DAAM1: variants seen among roughly 807,000 people sequenced by gnomAD.
DAAM1 encodes disheveled-associated activator of morphogenesis 1.
DAAM1 carries 52 observed loss-of-function variants against 130.0 expected under a neutral mutation model. The ratio of observed to expected loss-of-function variants is 0.40; its 90% CI spans 0.32 to 0.50. DAAM1 has a LOEUF of 0.50. DAAM1 is among the 20% of genes least tolerant of loss of function. The pLI, the probability that DAAM1 is intolerant of heterozygous loss-of-function variation, is 0.61. For missense variants in DAAM1, 1,134 were observed against 1,303.8 expected, an observed-to-expected ratio of 0.87 and a Z score of 2.01; for synonymous variants, 452 against 444.5, an observed-to-expected ratio of 1.02 and a Z score of -0.21.
intron 3 of DAAM1, among the ~76,000 whole-genome samples, chr14:59,291,969 G>A (rs2139566523): frequency 6.6e-6 from 1 of 152,290 alleles, no homozygotes; most frequent in Non-Finnish European, 1.5e-5. Context: ...AGGGGACAGT[G>A]AAACACCAAA....
chr14:59,260,238 C>A (rs370957287), intron 1 of DAAM1, among the ~76,000 whole-genome samples: 1 of 152,176 alleles, frequency 6.6e-6, no homozygotes, highest in Non-Finnish European at 1.5e-5. Context: ...ATTTCCCCCT[C>A]TAATATAAGC....
chr14:59,311,143 G>A (rs1162454932), intron 3 of DAAM1, among the ~76,000 whole-genome samples: 4 of 152,142 alleles, frequency 2.6e-5, no homozygotes, highest in Middle Eastern at 3.2e-3. Flanking sequence ...CAGCTGCTAC[G>A]AAGAAATTTT....
Position 59,347,428 on chromosome 14 carries a change from A to G in DAAM1, c.2076-111A>G, listed in dbSNP as rs1886125840. On this transcript the variant is annotated intron_variant, in intron 16 of 24. Coordinates refer to ENST00000360909, the MANE Select transcript of DAAM1 (RefSeq NM_001270520.2). ...TGTCAGGAAATAAGCTTTCACTGAG[A>G]GATTTTGAGAAAAAAGTACTTGAAA... The G allele has an allele frequency of 3.0e-6, 3 of 991,918 alleles. No homozygotes were observed. The Admixed American group carries it at 6.5e-5, about 21-fold the overall frequency. The allele number at this position is 991,918 out of a possible 1,614,324, so 61.4% of individuals were successfully genotyped here. A position where few individuals can be genotyped will look rare whatever the true frequency, so the allele number is the denominator to read the frequency against.
At chr14:59,253,938 C>G (rs1881757393) in intron 1 of DAAM1, among the ~76,000 whole-genome samples, 1 of 152,194 alleles carries the variant, frequency 6.6e-6, no homozygotes, top group South Asian at 2.1e-4. Context: ...CTTCGCATCT[C>G]TCAAAATTTG....
At chr14:59,289,312 C>T (rs749519411) in intron 2 of DAAM1, among the ~76,000 whole-genome samples, 2 of 152,144 alleles carry the variant, frequency 1.3e-5, no homozygotes, top group Non-Finnish European at 2.9e-5. Flanking sequence ...AATAACCTCC[C>T]ACCAGGCCCC....
At chr14:59,313,136 C>G (rs1295346349) in intron 3 of DAAM1, among the ~76,000 whole-genome samples, 1 of 152,180 alleles carries the variant, frequency 6.6e-6, no homozygotes, top group African/African-American at 2.4e-5. Flanking sequence ...TTCTACAGAG[C>G]AACAAACTCT....
chr14:59,340,208 T>C, intron 16 of DAAM1, 28 bp downstream of exon 16: 1 of 1,596,202 alleles, frequency 6.3e-7, no homozygotes, highest in Non-Finnish European at 8.6e-7. Flanking sequence ...TAAACATTTC[T>C]AGTAGGACCA....
In DAAM1 at chr14:59,322,956, G is replaced by C; in HGVS notation, c.505G>C (p.Asp169His). ...SCILNFLKTM[D>H]YETSESRIHT... ...TATCCTCAACTTTCTAAAGACCATGGACTACGAGACCTCAGAGTCTCGAAT... is the reference window on the plus strand; with the variant it reads ...TATCCTCAACTTTCTAAAGACCATGCACTACGAGACCTCAGAGTCTCGAAT... The change falls in exon 6 of 25, where the codon GAC becomes CAC. Residue 169 changes from aspartate to histidine, a missense_variant. Physicochemically the swap from Asp to His is moderately conservative, Grantham distance 81. Transcript: ENST00000360909. 6.2e-7 allele frequency: 1 copy of C among 1,614,078 alleles called. No homozygotes were observed.
At chr14:59,213,448 T>A (rs1267475846) in intron 1 of DAAM1, among the ~76,000 whole-genome samples, 4 of 151,924 alleles carry the variant, frequency 2.6e-5, no homozygotes, top group African/African-American at 7.3e-5. Context: ...TTTGGGGTTA[T>A]CCTGTTAGTT....
At chr14:59,284,497 G>A (rs1031009941) in intron 2 of DAAM1, among the ~76,000 whole-genome samples, 3 of 152,134 alleles carry the variant, frequency 2.0e-5, no homozygotes, top group African/African-American at 7.2e-5. Flanking sequence ...AATGTCAGAT[G>A]TAGAATTTCA....
Position 59,315,262 on chromosome 14 carries a change from T to A in DAAM1, c.274-18T>A. ...GTATATGTTGGGTGGTATGTCACTT[T>A]TTTTCCCCCCTTTTTAGGACCAGGA... is the stretch of plus-strand genomic sequence containing the variant. On this transcript the variant is annotated intron_variant, in intron 3 of 24. Coordinates refer to ENST00000360909, the MANE Select transcript of DAAM1 (RefSeq NM_001270520.2). The A allele has an allele frequency of 1.2e-6, 2 of 1,613,722 alleles. No individual in the cohort carries two copies. Among genetic ancestry groups the A allele is most frequent in the Middle Eastern group, 3.3e-4 (2 of 6,062 alleles).
chr14:59,282,539 G>C (rs1439412959), intron 2 of DAAM1, among the ~76,000 whole-genome samples: 1 of 152,134 alleles, frequency 6.6e-6, no homozygotes, highest in Non-Finnish European at 1.5e-5. Flanking sequence ...ACACTCAGTA[G>C]ATGGATGCAT....
intron 3 of DAAM1, among the ~76,000 whole-genome samples, chr14:59,295,214 T>G (rs1442231551): frequency 6.6e-6 from 1 of 152,180 alleles, no homozygotes; most frequent in African/African-American, 2.4e-5. Flanking sequence ...TGGTATTAGA[T>G]TGTTCATATT....
rs1297256950 is a variant in DAAM1 at position 59,318,492 on chromosome 14, T to G, written c.346-1998T>G. Among the ~76,000 whole-genome samples, 3 of 150,472 alleles carry G rather than the reference T, an allele frequency of 2.0e-5. No individual in the cohort carries two copies. The South Asian group carries it at 6.4e-4, about 32-fold the overall frequency. On this transcript the variant is annotated intron_variant, in intron 4 of 24. Transcript: ENST00000360909. ...CTCCACAAGGCCTGTGCATACTAGA[T>G]ATTTGGCATAGTAATCATCTTCAGA... is the stretch of plus-strand genomic sequence containing the variant.
In DAAM1 at chr14:59,367,564, G is replaced by A; in HGVS notation, c.2962G>A (p.Glu988Lys). 6.2e-7 allele frequency: 1 copy of A among 1,613,862 alleles called. No homozygotes were observed. Among genetic ancestry groups the A allele is most frequent in the Non-Finnish European group, 8.5e-7 (1 of 1,179,884 alleles). Residue 988 changes from glutamate to lysine, a missense_variant, in exon 24 of 25, where the codon GAG becomes AAG. Around this residue, in one of 3 missense-constraint regions of DAAM1, gnomAD observed 644 missense variants for 695.9 expected, o/e 0.93. Coordinates refer to ENST00000360909, the MANE Select transcript of DAAM1 (RefSeq NM_001270520.2). ...QENENMRKKKEEEERRARMEA... is the reference protein window; with the variant it reads ...QENENMRKKKKEEERRARMEA... The stretch of plus-strand genomic sequence containing the variant: ...AAACGAAAATATGAGAAAGAAAAAG[G>A]AGGAAGAAGAACGTCGAGCTCGCAT...
intron 1 of DAAM1, among the ~76,000 whole-genome samples, chr14:59,224,859 G>T (rs901436068): frequency 6.6e-6 from 1 of 152,096 alleles, no homozygotes; most frequent in African/African-American, 2.4e-5. Flanking sequence ...TGGGATTAGT[G>T]TACTTCCTTG....
chr14:59,330,259 G>A (rs1004808139), intron 12 of DAAM1, among the ~76,000 whole-genome samples: 1 of 142,886 alleles, frequency 7.0e-6, no homozygotes, highest in Non-Finnish European at 1.5e-5. Context: ...AGAACTGTGA[G>A]TGTAGGCTCT....
intron 16 of DAAM1, 83 bp from the exon 17 acceptor site, chr14:59,347,456 C>T: frequency 7.8e-7 from 1 of 1,286,434 alleles, no homozygotes; most frequent in Admixed American, 2.0e-5. Context: ...ACTTGAAAAT[C>T]AGCAGCTGGG....
chr14:59,195,903 A>G (rs1887874770), intron 1 of DAAM1, among the ~76,000 whole-genome samples: 1 of 151,358 alleles, frequency 6.6e-6, no homozygotes, highest in African/African-American at 2.4e-5. Flanking sequence ...TTTTAAATTA[A>G]TCATGCTTTT....
Sources: gnomAD v4.1 joint callset for allele counts (sites outside exome capture counted in the v4.1 genomes callset) on GRCh38, gnomAD v4.1.1 for gene constraint, gnomAD v4.1.1 regional missense constraint, MANE v1.5 for transcripts, NCBI Gene and HGNC (gene_info 2026-07-23, HGNC 2026-07-21) for gene names.